PTPRM: variants seen among roughly 807,000 people sequenced by gnomAD.
PTPRM encodes protein tyrosine phosphatase receptor type M, also known as receptor-type tyrosine-protein phosphatase mu.
Under a neutral mutation model 186.7 loss-of-function variants are expected in PTPRM, and 47 were observed. That is an observed-to-expected ratio of 0.25 (90% confidence interval 0.20 to 0.32). The LOEUF (loss-of-function observed/expected upper bound fraction) is 0.32. Among genes scored for constraint, PTPRM ranks in the 10% least tolerant of loss-of-function variants. The pLI is 1.00. For missense variants in PTPRM, 1,494 were observed against 1,865.0 expected (o/e 0.80, Z 3.66); for synonymous variants, 668 against 674.9 (o/e 0.99, Z 0.16).
chr18:8,039,468 G>A (rs759053395), intron 7 of PTPRM, among the ~76,000 whole-genome samples: 1 of 152,034 alleles, frequency 6.6e-6, no homozygotes, highest in Non-Finnish European at 1.5e-5. Context: ...TCAAAAAATG[G>A]TAGGGATTAT....
At chr18:7,787,645 A>T (rs1598715351) in intron 2 of PTPRM, among the ~76,000 whole-genome samples, 1 of 152,178 alleles carries the variant, frequency 6.6e-6, no homozygotes, top group East Asian at 1.9e-4. Context: ...ACATTCACAC[A>T]CACTCAGATG....
In PTPRM at chr18:7,906,363, G is replaced by A. The variant is rs143429917; in HGVS notation, c.469-142G>A. The A allele has an allele frequency of 1.1e-3, 759 of 677,058 alleles. 13 individuals carry two copies. In the East Asian group the frequency reaches 0.02, roughly 18 times the overall value. 41.9% of individuals were successfully genotyped at this position (677,058 alleles called of 1,614,324 possible). A position where few individuals can be genotyped will look rare whatever the true frequency, so the allele number is the denominator to read the frequency against. ...GCCTATCTTTGTAGTCTAGAACCTG[G>A]AACATTGACTAGCAGATGTTACGTA... is the stretch of plus-strand genomic sequence containing the variant. On this transcript the variant is annotated intron_variant, in intron 3 of 32. Transcript: ENST00000580170.
At chr18:8,228,260 T>A (rs2094240196) in intron 14 of PTPRM, among the ~76,000 whole-genome samples, 1 of 151,970 alleles carries the variant, frequency 6.6e-6, no homozygotes. Context: ...GCACTCCTGC[T>A]CCAGGCCCAG....
chr18:8,035,430 G>C (rs1016598563), intron 7 of PTPRM, among the ~76,000 whole-genome samples: 5 of 152,004 alleles, frequency 3.3e-5, no homozygotes, highest in African/African-American at 1.2e-4. Context: ...AGCTACTCAA[G>C]TCCCTGATAT....
intron 7 of PTPRM, among the ~76,000 whole-genome samples, chr18:8,036,955 A>G (rs2148122735): frequency 6.6e-6 from 1 of 152,290 alleles, no homozygotes; most frequent in African/African-American, 2.4e-5. Context: ...TATCGGTCCT[A>G]AGGTTTATGC....
chr18:8,406,802 G>T lies in PTPRM; in HGVS notation c.*640G>T, dbSNP rs1000877775. ...CAGAGCTTTTCCATGTGTTTATATT[G>T]TAAATATTTTTGATTTCATCAAATT... is the stretch of plus-strand genomic sequence containing the variant. On this transcript the variant is annotated 3_prime_UTR_variant, in exon 33 of 33. Coordinates refer to ENST00000580170, the MANE Select transcript of PTPRM (RefSeq NM_001105244.2). The T allele has an allele frequency of 3.3e-5, 5 of 152,100 alleles. No homozygotes were observed. Among genetic ancestry groups the T allele is most frequent in the Admixed American group, 2.0e-4 (3 of 15,266 alleles). The allele number at this position is 152,100 out of a possible 1,614,324, so 9.4% of individuals were successfully genotyped here. A position where few individuals can be genotyped will look rare whatever the true frequency, so the allele number is the denominator to read the frequency against.
chr18:8,353,238 G>A (rs1303609852), intron 23 of PTPRM, among the ~76,000 whole-genome samples: 3 of 152,200 alleles, frequency 2.0e-5, no homozygotes, highest in African/African-American at 7.2e-5. Flanking sequence ...CTGCAGGCTT[G>A]TTGATGAGGA....
At chr18:7,570,152 C>T (rs2036532969) in intron 1 of PTPRM, among the ~76,000 whole-genome samples, 2 of 152,034 alleles carry the variant, frequency 1.3e-5, no homozygotes, top group African/African-American at 4.8e-5. Flanking sequence ...GTGAAGATGG[C>T]AAATTTCATA....
intron 2 of PTPRM, among the ~76,000 whole-genome samples, chr18:7,849,910 A>G (rs1276065856): frequency 6.6e-6 from 1 of 152,220 alleles, no homozygotes; most frequent in Non-Finnish European, 1.5e-5. Context: ...TTTTAATACT[A>G]GTAATCATAA....
chr18:8,084,748 A>G (rs1490098215), intron 9 of PTPRM, among the ~76,000 whole-genome samples: 2 of 152,216 alleles, frequency 1.3e-5, no homozygotes, highest in Admixed American at 6.5e-5. Context: ...TTATGTCATT[A>G]CAACCAGTAG....
At chr18:7,903,655 A>G (rs553567593) in intron 3 of PTPRM, among the ~76,000 whole-genome samples, 69 of 152,254 alleles carry the variant, frequency 4.5e-4, no homozygotes, top group Middle Eastern at 6.8e-3. Context: ...TATTTATTAA[A>G]CTTACGAACA....
At chr18:7,901,969 A>C (rs1262353719) in intron 3 of PTPRM, among the ~76,000 whole-genome samples, 1 of 152,258 alleles carries the variant, frequency 6.6e-6, no homozygotes, top group Non-Finnish European at 1.5e-5. Context: ...TTTAATAAAC[A>C]TAGAAGTTGT....
At chr18:7,641,086 A>G (rs1178161559) in intron 1 of PTPRM, among the ~76,000 whole-genome samples, 1 of 152,218 alleles carries the variant, frequency 6.6e-6, no homozygotes, top group East Asian at 1.9e-4. Flanking sequence ...AGGTCTTTTC[A>G]GCTTTTCTTT....
At chr18:8,068,875 G>A (rs762022064) in intron 7 of PTPRM, among the ~76,000 whole-genome samples, 4 of 152,064 alleles carry the variant, frequency 2.6e-5, no homozygotes, top group Non-Finnish European at 5.9e-5. Flanking sequence ...CAAGGCAGGC[G>A]GATCACGAGG....
intron 23 of PTPRM, among the ~76,000 whole-genome samples, chr18:8,348,052 A>G (rs1018214511): frequency 6.6e-6 from 1 of 152,264 alleles, no homozygotes; most frequent in African/African-American, 2.4e-5. Context: ...TTGTTTACAG[A>G]TAGCTCCTCC....
At chr18:7,664,042 G>A (rs377414054) in intron 1 of PTPRM, among the ~76,000 whole-genome samples, 7 of 151,978 alleles carry the variant, frequency 4.6e-5, no homozygotes, top group African/African-American at 1.7e-4. Context: ...GATGTGCTTG[G>A]TAGCTAGATT....
intron 3 of PTPRM, among the ~76,000 whole-genome samples, chr18:7,891,672 C>G (rs561995810): frequency 3.2e-4 from 48 of 152,098 alleles, no homozygotes; most frequent in Admixed American, 1.6e-3. Flanking sequence ...GTCACGAGTT[C>G]AGGACCAGCC....
rs185330749 is a variant in PTPRM, at chr18:7,925,871, T to G, written c.548-697T>G. Among the ~76,000 whole-genome samples the G allele has an allele frequency of 1.0e-3, 153 of 152,344 alleles. 1 individual carries two copies. The highest frequency in any genetic ancestry group is 3.5e-3 in the African/African-American group (147 of 41,592). ...ATTGGCCTGTGCTTCTCATACCAAA[T>G]AGAATAATCCTTTATTTAAACAGCT... On this transcript the variant is annotated intron_variant, in intron 4 of 32. Transcript: ENST00000580170.
intron 21 of PTPRM, among the ~76,000 whole-genome samples, chr18:8,318,933 TC>T (rs1395047667): frequency 6.6e-6 from 1 of 152,242 alleles, no homozygotes; most frequent in Non-Finnish European, 1.5e-5. Flanking sequence ...TTCTTGCTCA[TC>T]CATCATCTCA....
Sources: gnomAD v4.1 joint callset for allele counts (sites outside exome capture counted in the v4.1 genomes callset) on GRCh38, gnomAD v4.1.1 for gene constraint, MANE v1.5 for transcripts, NCBI Gene and HGNC (gene_info 2026-07-23, HGNC 2026-07-21) for gene names.